CCBE1: variants seen among roughly 807,000 people sequenced by gnomAD.
CCBE1 encodes collagen and calcium-binding EGF domain-containing protein 1.
A neutral mutation model predicts 50.0 loss-of-function variants in CCBE1; 37 were observed. That is an observed-to-expected ratio of 0.74 (90% CI 0.57 to 0.97). The LOEUF (loss-of-function observed/expected upper bound fraction) is 0.97. Ranked by LOEUF, CCBE1 falls within the 50% of genes least tolerant of loss-of-function variation. The probability of loss-of-function intolerance (pLI) is 0.00; values close to 1 mark genes in which losing one functional copy is unlikely to be tolerated. For missense variants in CCBE1, 538 were observed against 523.8 expected (o/e 1.03, Z -0.26); for synonymous variants, 234 against 203.7 (o/e 1.15, Z -1.27).
chr18:59,696,587 C>G (rs767323285), intron 2 of CCBE1, 42 bp downstream of exon 2: 21 of 1,611,622 alleles, frequency 1.3e-5, no homozygotes, highest in Non-Finnish European at 1.8e-5. Context: ...CAGCCAGCCC[C>G]GGTGCGCAGT....
intron 2 of CCBE1, among the ~76,000 whole-genome samples, chr18:59,614,708 G>A (rs1469864110): frequency 6.6e-6 from 1 of 152,238 alleles, no homozygotes; most frequent in African/African-American, 2.4e-5. Context: ...TTTAGAGTTT[G>A]TTTCTTTGGT....
intron 2 of CCBE1, among the ~76,000 whole-genome samples, chr18:59,493,545 C>T (rs1913208883): frequency 6.7e-6 from 1 of 149,258 alleles, no homozygotes; most frequent in Admixed American, 6.7e-5. Flanking sequence ...CTCATAAAAA[C>T]TTTTTTTTTT....
intron 2 of CCBE1, among the ~76,000 whole-genome samples, chr18:59,544,498 A>C (rs1337470673): frequency 1.3e-5 from 2 of 152,352 alleles, no homozygotes; most frequent in Admixed American, 6.5e-5. Context: ...GTACTTTTGC[A>C]GCTCACATGC....
intron 6 of CCBE1, 118 bp downstream of exon 6, chr18:59,454,733 C>T (rs779884825): frequency 1.0e-4 from 90 of 884,188 alleles, no homozygotes; most frequent in Non-Finnish European, 1.6e-4. Flanking sequence ...ACCTCACTGG[C>T]ATCAACTGCG....
intron 2 of CCBE1, among the ~76,000 whole-genome samples, chr18:59,607,613 C>T (rs888038308): frequency 1.1e-4 from 17 of 152,166 alleles, no homozygotes; most frequent in African/African-American, 3.4e-4. Flanking sequence ...CAGCTACTCT[C>T]GGCAGCCTCA....
intron 2 of CCBE1, among the ~76,000 whole-genome samples, chr18:59,677,877 T>A (rs556572498): frequency 6.6e-6 from 1 of 152,246 alleles, no homozygotes; most frequent in South Asian, 2.1e-4. Flanking sequence ...TGATTATATA[T>A]GTACAAAAAA....
At chr18:59,655,410 G>A (rs930567968) in intron 2 of CCBE1, among the ~76,000 whole-genome samples, 3 of 152,152 alleles carry the variant, frequency 2.0e-5, no homozygotes, top group Admixed American at 6.5e-5. Flanking sequence ...CCACTGAGTG[G>A]AAACATGTCA....
Position 59,689,127 on chromosome 18 carries a change from C to T in CCBE1, c.212+7502G>A, listed in dbSNP as rs547808156. On this transcript the variant is annotated intron_variant, in intron 2 of 10. Transcript: ENST00000439986. Reference sequence around the variant, plus strand: ...AAGCCATGGGCCCTAGTTTGCCAATCCCTGCTCTCTACCAAACTCCCAGGA... The same window carrying T: ...AAGCCATGGGCCCTAGTTTGCCAATTCCTGCTCTCTACCAAACTCCCAGGA... 3.9e-5 allele frequency among the ~76,000 whole-genome samples: 6 copies of T among 152,346 alleles called. No homozygotes were observed. In the East Asian group the frequency reaches 1.2e-3, roughly 29 times the overall value.
At chr18:59,506,841 A>G (rs1307497078) in intron 2 of CCBE1, among the ~76,000 whole-genome samples, 6 of 152,240 alleles carry the variant, frequency 3.9e-5, no homozygotes, top group Non-Finnish European at 2.9e-5. Flanking sequence ...ATAAAACTGG[A>G]AAGTATCAAC....
At chr18:59,610,541 A>C (rs932748675) in intron 2 of CCBE1, among the ~76,000 whole-genome samples, 1 of 152,184 alleles carries the variant, frequency 6.6e-6, no homozygotes, top group Non-Finnish European at 1.5e-5. Context: ...AGAACAAAAA[A>C]AGATTCTGGA....
intron 2 of CCBE1, among the ~76,000 whole-genome samples, chr18:59,687,100 G>C (rs760655825): frequency 6.6e-6 from 1 of 152,182 alleles, no homozygotes; most frequent in Non-Finnish European, 1.5e-5. Flanking sequence ...CCATTTCTTT[G>C]TGGGAAAATT....
intron 2 of CCBE1, among the ~76,000 whole-genome samples, chr18:59,578,224 G>A (rs989414273): frequency 2.0e-5 from 3 of 152,204 alleles, no homozygotes; most frequent in Non-Finnish European, 2.9e-5. Flanking sequence ...GGTCATTAGA[G>A]AGATGCAAAT....
intron 2 of CCBE1, among the ~76,000 whole-genome samples, chr18:59,515,706 A>G (rs1914339463): frequency 6.6e-6 from 1 of 152,190 alleles, no homozygotes; most frequent in South Asian, 2.1e-4. Flanking sequence ...AGTCATCTTT[A>G]GAGATAGGCA....
rs796240766 is a variant in CCBE1, at chr18:59,613,886, T to G, written c.212+82743A>C. On this transcript the variant is annotated intron_variant, in intron 2 of 10. Transcript: ENST00000439986. ...GGGTTTTTTTTTTTTTTTTTTTTTT[T>G]GGCAGGGGGAGACAGTCTTGCTCTG... Among the ~76,000 whole-genome samples, 273 of 135,734 alleles carry G rather than the reference T, an allele frequency of 2.0e-3. 1 individual carries two copies. The highest frequency in any genetic ancestry group is 7.9e-3 in the Middle Eastern group (2 of 254). The allele number at this position is 135,734 out of a possible 152,430, so 89.0% of individuals were successfully genotyped here. A position where few individuals can be genotyped will look rare whatever the true frequency, so the allele number is the denominator to read the frequency against.
chr18:59,609,761 A>G (rs1031503042), intron 2 of CCBE1, among the ~76,000 whole-genome samples: 3 of 152,230 alleles, frequency 2.0e-5, no homozygotes, highest in Non-Finnish European at 2.9e-5. Context: ...CCTCTCCTGT[A>G]AACATCAGGA....
chr18:59,625,125 C>A (rs2053762721), intron 2 of CCBE1, among the ~76,000 whole-genome samples: 1 of 152,186 alleles, frequency 6.6e-6, no homozygotes, highest in African/African-American at 2.4e-5. Flanking sequence ...AAGGTCAACA[C>A]AGTGGTATAA....
At chr18:59,545,842 C>T (rs937472441) in intron 2 of CCBE1, among the ~76,000 whole-genome samples, 2 of 152,204 alleles carry the variant, frequency 1.3e-5, no homozygotes, top group Non-Finnish European at 2.9e-5. Context: ...TAAGAAGTGC[C>T]TTTCACCTCC....
intron 2 of CCBE1, among the ~76,000 whole-genome samples, chr18:59,550,804 G>A (rs1389205524): frequency 6.6e-6 from 1 of 151,890 alleles, no homozygotes; most frequent in Non-Finnish European, 1.5e-5. Flanking sequence ...GGAGGCAGGA[G>A]GATCACGAAG....
At position 59,439,651 on chromosome 18, in the gene CCBE1, A is replaced by C. The variant is rs147980943; in HGVS notation, c.915+26T>G. Reference sequence around the variant, plus strand: ...AAAAACACATTTTCCCCCAAAAAGGAAGTGGATCTCTGATAAGATACTGAC... The same window carrying C: ...AAAAACACATTTTCCCCCAAAAAGGCAGTGGATCTCTGATAAGATACTGAC... On this transcript the variant is annotated intron_variant, in intron 8 of 10. Coordinates refer to ENST00000439986, the MANE Select transcript of CCBE1 (RefSeq NM_133459.4). 2.7e-4 allele frequency: 429 copies of C among 1,614,214 alleles called. 2 individuals are homozygous for C. In the African/African-American group the frequency reaches 5.1e-3, roughly 19 times the overall value.
Sources: allele counts gnomAD v4.1 joint callset (sites outside exome capture counted in the v4.1 genomes callset), GRCh38; gene constraint gnomAD v4.1.1; transcripts MANE v1.5; gene names NCBI Gene and HGNC (gene_info 2026-07-23, HGNC 2026-07-21).